The following CSNK1G2 variants were observed in gnomAD, a reference collection of about 807,000 sequenced individuals.
CSNK1G2 encodes casein kinase I isoform gamma-2.
In CSNK1G2, 11 loss-of-function variants were observed where a neutral mutation model predicts 48.0. That is an observed-to-expected ratio of 0.23 (90% confidence interval 0.14 to 0.38). CSNK1G2 has a LOEUF of 0.38. CSNK1G2 is among the 10% of genes least tolerant of loss of function. CSNK1G2 has a pLI of 1.00. For synonymous variants in CSNK1G2, 337 were observed against 254.1 expected, an observed-to-expected ratio of 1.33 and a Z score of -3.10; for missense variants, 446 against 595.5, an observed-to-expected ratio of 0.75 and a Z score of 2.61.
At chr19:1,941,901 A>C (rs1599271981) in intron 1 of CSNK1G2, among the ~76,000 whole-genome samples, 2 of 100,638 alleles carry the variant, frequency 2.0e-5, no homozygotes, top group Non-Finnish European at 4.3e-5. Context: ...CCCACCGCCC[A>C]CTCACCCGCG....
intron 1 of CSNK1G2, chr19:1,953,388 C>T (rs750715970): frequency 9.4e-6 from 5 of 533,990 alleles, no homozygotes; most frequent in African/African-American, 1.9e-5. Flanking sequence ...GTTCTCACTT[C>T]CCCCGGAGTC....
chr19:1,950,418 C>T lies in CSNK1G2; in HGVS notation c.-266+9000C>T, dbSNP rs1351189488. 1.0e-4 allele frequency among the ~76,000 whole-genome samples: 15 copies of T among 147,284 alleles called. 2 individuals carry two copies. The East Asian group carries it at 1.0e-3, about 10-fold the overall frequency. Reference sequence around the variant, plus strand: ...CCTCCCAAAGTGCTGGGATTACAGGCGTGAGCCACCGCGCCTGGCCATCAA... The same window carrying T: ...CCTCCCAAAGTGCTGGGATTACAGGTGTGAGCCACCGCGCCTGGCCATCAA... On this transcript the variant is annotated intron_variant, in intron 1 of 11. Coordinates refer to ENST00000255641, the MANE Select transcript of CSNK1G2 (RefSeq NM_001319.7).
At chr19:1,946,000 G>A (rs942176074) in intron 1 of CSNK1G2, among the ~76,000 whole-genome samples, 1 of 152,170 alleles carries the variant, frequency 6.6e-6, no homozygotes, top group Admixed American at 6.5e-5. Flanking sequence ...TGGTCTGGCC[G>A]GCCTGACCCG....
chr19:1,964,032 G>A (rs1025963115), intron 1 of CSNK1G2, among the ~76,000 whole-genome samples: 8 of 151,998 alleles, frequency 5.3e-5, no homozygotes, highest in Admixed American at 4.6e-4. Flanking sequence ...GGCCAGGCTT[G>A]TCTCAAACTC....
intron 1 of CSNK1G2, among the ~76,000 whole-genome samples, chr19:1,956,728 C>T (rs1352496220): frequency 6.6e-6 from 1 of 152,122 alleles, no homozygotes; most frequent in African/African-American, 2.4e-5. Flanking sequence ...GTGGCGGTTA[C>T]AGACTCCAGC....
chr19:1,946,604 T>TTTATTA (rs201003967), intron 1 of CSNK1G2, among the ~76,000 whole-genome samples: 2 of 139,746 alleles, frequency 1.4e-5, no homozygotes, highest in Non-Finnish European at 3.1e-5. Flanking sequence ...TATTTATTTA[T>TTTATTA]TTATTATTAT....
At chr19:1,942,925 G>A (rs1044426559) in intron 1 of CSNK1G2, among the ~76,000 whole-genome samples, 3 of 152,218 alleles carry the variant, frequency 2.0e-5, no homozygotes, top group Non-Finnish European at 4.4e-5. Context: ...CAGCCCCCGG[G>A]AGTGTGTGCA....
rs1181757903 is a variant in CSNK1G2, at chr19:1,948,902, C to T, written c.-266+7484C>T. ...TCTCACAGTGAGGGAAGCTGGAGAC[C>T]AGAACATGTGGAGAAAAGCAGAAGG... On this transcript the variant is annotated intron_variant, in intron 1 of 11. Transcript: ENST00000255641. Among the ~76,000 whole-genome samples, 3 of 152,208 alleles carry T rather than the reference C, an allele frequency of 2.0e-5. No individual in the cohort carries two copies. The East Asian group carries it at 5.8e-4, about 29-fold the overall frequency.
At position 1,978,563 on chromosome 19, in the gene CSNK1G2, G is replaced by A. The variant is rs758587163; in HGVS notation, c.299-39G>A. ...GGGGCTGCGCAGGGGCAGGGAGGGG[G>A]CTGCCGCCGCACGCCCGTGCGTCTG... On this transcript the variant is annotated intron_variant, in intron 4 of 11. Transcript: ENST00000255641. This position sits in a 1 kb window ranked among gnomAD's most constrained non-coding sequence, Gnocchi z 7.3. 6.4e-7 allele frequency: 1 copy of A among 1,570,886 alleles called. No homozygotes were observed. The highest frequency in any genetic ancestry group is 2.3e-5 in the East Asian group (1 of 42,704).
intron 1 of CSNK1G2, among the ~76,000 whole-genome samples, chr19:1,942,159 G>A (rs1274132608): frequency 6.6e-6 from 1 of 152,194 alleles, no homozygotes; most frequent in African/African-American, 2.4e-5. Context: ...TTCCGCTGTG[G>A]CCACCGGCTT....
intron 1 of CSNK1G2, among the ~76,000 whole-genome samples, chr19:1,955,109 C>G (rs1488081425): frequency 1.3e-5 from 2 of 152,162 alleles, no homozygotes; most frequent in African/African-American, 2.4e-5. Flanking sequence ...GCTCTTCCTC[C>G]TTGGTGATGG....
At chr19:1,960,897 A>G (rs1225781186) in intron 1 of CSNK1G2, among the ~76,000 whole-genome samples, 1 of 152,212 alleles carries the variant, frequency 6.6e-6, no homozygotes, top group Non-Finnish European at 1.5e-5. Flanking sequence ...TCAAAACAAA[A>G]CAAAATGCAG....
At position 1,980,586 on chromosome 19, in the gene CSNK1G2, C is replaced by G. The variant is rs954889585; in HGVS notation, c.*383C>G. ...CCTGGCCCCGCCCCGCCAGCCGCCC[C>G]CGTTAGCGTCATAAAGTCCAGCTTG... On this transcript the variant is annotated 3_prime_UTR_variant, in exon 12 of 12. Transcript: ENST00000255641. The G allele has an allele frequency of 3.5e-6, 1 of 287,342 alleles. No homozygotes were observed. The highest frequency in any genetic ancestry group is 2.3e-5 in the African/African-American group (1 of 43,822). 17.8% of individuals were successfully genotyped at this position (287,342 alleles called of 1,614,324 possible).
At chr19:1,952,623 T>C (rs1387062062) in intron 1 of CSNK1G2, 2 of 161,576 alleles carry the variant, frequency 1.2e-5, no homozygotes, top group African/African-American at 2.4e-5. Context: ...TATTTGACGA[T>C]GATTAAAAAA....
At chr19:1,973,062 G>A (rs1176652917) in intron 2 of CSNK1G2, among the ~76,000 whole-genome samples, 49 of 150,944 alleles carry the variant, frequency 3.2e-4, no homozygotes, top group Admixed American at 2.6e-4. Flanking sequence ...CAAGTAGCTG[G>A]GACTACAGCC....
In CSNK1G2 at chr19:1,980,194, A is replaced by G. The variant is rs1236361919; in HGVS notation, c.1239A>G (p.Arg413=). 3 of 1,612,736 alleles carry G rather than the reference A, an allele frequency of 1.9e-6. No individual in the cohort carries two copies. In the African/African-American group the frequency reaches 4.0e-5, roughly 22 times the overall value. The change falls in exon 12 of 12, where the codon CGA becomes CGG. Residue 413 remains arginine, a synonymous_variant. Transcript: ENST00000255641. Reference sequence around the variant, plus strand: ...GGAGAAAGAGAAAATCGCTGCAGCGACACAAGTGACCCTGGGCGCGTGCAG... The same window carrying G: ...GGAGAAAGAGAAAATCGCTGCAGCGGCACAAGTGACCCTGGGCGCGTGCAG... The part of the protein sequence containing the change: ...FKRRKRKSLQ[R]HK
chr19:1,974,149 C>T (rs2015672143), intron 2 of CSNK1G2, among the ~76,000 whole-genome samples: 1 of 152,148 alleles, frequency 6.6e-6, no homozygotes. Flanking sequence ...GCCTCAGCCT[C>T]CCAAAGTGCT....
At chr19:1,964,000 A>T (rs2015285205) in intron 1 of CSNK1G2, among the ~76,000 whole-genome samples, 1 of 151,818 alleles carries the variant, frequency 6.6e-6, no homozygotes, top group Non-Finnish European at 1.5e-5. Context: ...TATTTTTAGT[A>T]GAGACAGGGT....
At chr19:1,946,607 A>G (rs146508401) in intron 1 of CSNK1G2, among the ~76,000 whole-genome samples, 4 of 123,812 alleles carry the variant, frequency 3.2e-5, no homozygotes, top group Admixed American at 8.8e-5. Context: ...TTATTTATTT[A>G]TTATTATTAT....
Sources: allele counts gnomAD v4.1 joint callset (sites outside exome capture counted in the v4.1 genomes callset), GRCh38; gene constraint gnomAD v4.1.1; non-coding constraint Gnocchi (gnomAD v3.1); transcripts MANE v1.5; gene names NCBI Gene and HGNC (gene_info 2026-07-23, HGNC 2026-07-21).